Variants in SLC18A2 observed in about 807,000 individuals in gnomAD.
The protein encoded by SLC18A2 is synaptic vesicular amine transporter.
SLC18A2 carries 33 observed loss-of-function variants against 59.2 expected under a neutral mutation model. The observed-to-expected ratio is 0.56, with a 90% CI of 0.42 to 0.75. SLC18A2 has a LOEUF of 0.75. SLC18A2 is among the 30% of genes least tolerant of loss of function. SLC18A2 has a pLI of 0.00. For missense variants in SLC18A2, 569 were observed against 668.6 expected (o/e 0.85, Z 1.64); for synonymous variants, 228 against 253.5 (o/e 0.90, Z 0.95).
chr10:117,258,564 T>A (rs1050828393), intron 10 of SLC18A2, among the ~76,000 whole-genome samples: 1 of 58,084 alleles, frequency 1.7e-5, no homozygotes, highest in African/African-American at 4.6e-5. Context: ...TTAAAACTAA[T>A]TAAATTTTAT....
chr10:117,259,710 A>G (rs1844272735), intron 10 of SLC18A2, among the ~76,000 whole-genome samples: 1 of 152,224 alleles, frequency 6.6e-6, no homozygotes, highest in Non-Finnish European at 1.5e-5. Context: ...GGGGGAGGCC[A>G]GTGTTGCCCT....
intron 3 of SLC18A2, among the ~76,000 whole-genome samples, chr10:117,245,674 C>A (rs923559626): frequency 2.6e-5 from 4 of 151,972 alleles, no homozygotes; most frequent in African/African-American, 9.7e-5. Context: ...TTAAATCAAC[C>A]AAGCTCTGAG....
At position 117,267,662 on chromosome 10, in the gene SLC18A2, T is replaced by C. The variant is rs757016360; in HGVS notation, c.1123-11T>C. ...TTGTTATTTTAGCATAATGTTTATT[T>C]CCTCTTACAGATTCCATTTGCAAAA... On this transcript the variant is annotated splice_polypyrimidine_tract_variant and intron_variant, in intron 12 of 15. Coordinates refer to ENST00000644641, the MANE Select transcript of SLC18A2 (RefSeq NM_003054.6). The C allele has an allele frequency of 6.4e-7, 1 of 1,551,412 alleles. No homozygotes were observed.
intron 5 of SLC18A2, 131 bp from the exon 6 acceptor site, chr10:117,254,274 G>T: frequency 8.7e-7 from 1 of 1,153,866 alleles, no homozygotes; most frequent in Non-Finnish European, 1.2e-6. Flanking sequence ...GGTTCTGCTT[G>T]GTCTTACATT....
intron 15 of SLC18A2, among the ~76,000 whole-genome samples, chr10:117,275,376 G>A (rs1433120918): frequency 6.6e-6 from 1 of 152,072 alleles, no homozygotes; most frequent in Admixed American, 6.6e-5. Context: ...ACAAGAGCTG[G>A]GAGTAATAGC....
At position 117,252,134 on chromosome 10, in the gene SLC18A2, A is replaced by ATTTTTTTTTTTTT. The variant is rs57101171; in HGVS notation, c.465-1248_465-1236dup. Reference sequence around the variant, plus strand: ...CTACTATGCCTGACTCATTTTTTGTATTTTTTTTTTTTTTTTTTTTTTTTT... The same window carrying ATTTTTTTTTTTTT: ...CTACTATGCCTGACTCATTTTTTGTATTTTTTTTTTTTTTTTTTTTTTTTTTTTTTTTTTTTTT... On this transcript the variant is annotated intron_variant, in intron 3 of 15. Coordinates refer to ENST00000644641, the MANE Select transcript of SLC18A2 (RefSeq NM_003054.6). Among the ~76,000 whole-genome samples the ATTTTTTTTTTTTT allele has an allele frequency of 1.3e-3, 58 of 44,346 alleles. 2 individuals are homozygous for ATTTTTTTTTTTTT. The highest frequency in any genetic ancestry group is 4.0e-3 in the East Asian group (5 of 1,246). The allele number at this position is 44,346 out of a possible 152,430, so 29.1% of individuals were successfully genotyped here.
At chr10:117,266,195 A>C (rs1281391435) in intron 10 of SLC18A2, among the ~76,000 whole-genome samples, 1 of 152,066 alleles carries the variant, frequency 6.6e-6, no homozygotes, top group East Asian at 1.9e-4. Flanking sequence ...TGAAACAAGC[A>C]GGATAGAGTA....
At chr10:117,251,786 A>G (rs560915037) in intron 3 of SLC18A2, among the ~76,000 whole-genome samples, 1 of 152,254 alleles carries the variant, frequency 6.6e-6, no homozygotes, top group East Asian at 1.9e-4. Context: ...GGCCCAGGCG[A>G]AATTAGTCTG....
Position 117,278,133 on chromosome 10 carries a change from T to C in SLC18A2, c.*867T>C, listed in dbSNP as rs1844525668. 1 of 152,190 alleles carries C rather than the reference T, an allele frequency of 6.6e-6. No individual in the cohort carries two copies. The highest frequency in any genetic ancestry group is 2.4e-5 in the African/African-American group (1 of 41,452). 9.4% of individuals were successfully genotyped at this position (152,190 alleles called of 1,614,324 possible). On this transcript the variant is annotated 3_prime_UTR_variant, in exon 16 of 16. Coordinates refer to ENST00000644641, the MANE Select transcript of SLC18A2 (RefSeq NM_003054.6). The stretch of plus-strand genomic sequence containing the variant: ...AAGGTTAATCGCCATCTACTTCAAG[T>C]TTTAGAAAAGGAAACAAGAAGCTGA...
chr10:117,254,497 G>T lies in SLC18A2; in HGVS notation c.700G>T (p.Val234Leu). The T allele has an allele frequency of 1.2e-6, 2 of 1,600,844 alleles. No homozygotes were observed. Among genetic ancestry groups the T allele is most frequent in the Non-Finnish European group, 8.5e-7 (1 of 1,172,788 alleles). ...ALGGLAMGVL[V>L]GPPFGSVLYE... ...GGGAGGCCTGGCCATGGGGGTCTTA[G>T]GTGGGTAAGGCCCCCGTGTAGGCAA... The change falls in exon 6 of 16, where the codon GTG (valine) becomes TTG (leucine). Residue 234 changes from valine to leucine, a missense_variant and splice_region_variant. Val to Leu is a conservative substitution (Grantham distance 32). Transcript: ENST00000644641.
Position 117,277,187 on chromosome 10 carries a change from CTA to C in SLC18A2, c.1468_1469del (p.Ile490Ter), listed in dbSNP as rs774021992. On this transcript the variant is annotated frameshift_variant, in exon 16 of 16. Transcript: ENST00000644641. LOFTEE classifies it high-confidence loss of function. ...GCTATTCTCATGGATCACAACTGCC[CTA>C]TTAAAACAAAAATGTACACTCAGAA... The C allele has an allele frequency of 6.2e-7, 1 of 1,607,966 alleles. No homozygotes were observed. The highest frequency in any genetic ancestry group is 1.1e-5 in the South Asian group (1 of 90,848).
At chr10:117,265,061 G>T (rs903804218) in intron 10 of SLC18A2, among the ~76,000 whole-genome samples, 1 of 152,216 alleles carries the variant, frequency 6.6e-6, no homozygotes, top group African/African-American at 2.4e-5. Flanking sequence ...GTGGCTGTCA[G>T]TAAATGTTTG....
intron 3 of SLC18A2, among the ~76,000 whole-genome samples, chr10:117,244,956 C>T (rs1844096049): frequency 6.6e-6 from 1 of 152,244 alleles, no homozygotes. Context: ...CCCAAACTAG[C>T]TTCAGATGAA....
At chr10:117,254,294 C>A in intron 5 of SLC18A2, 111 bp from the exon 6 acceptor site, 1 of 1,185,556 alleles carries the variant, frequency 8.4e-7, no homozygotes, top group Non-Finnish European at 1.2e-6. Flanking sequence ...TTTAGTGAAT[C>A]TGACAGGTTT....
At position 117,254,120 on chromosome 10, in the gene SLC18A2, C is replaced by G; in HGVS notation, c.596C>G (p.Ser199Cys). ...CTGCAGGGCATCGGCTCGTCCTGCT[C>G]CTCTGTGGCTGGTAGGTGTGGAATG... is the stretch of plus-strand genomic sequence containing the variant. ...RSLQGIGSSC[S>C]SVAGMGMLAS... Residue 199 changes from serine (S) to cysteine (C), a missense_variant, in exon 5 of 16, where the codon TCC becomes TGC. Ser to Cys is a moderately radical substitution (Grantham distance 112). Coordinates refer to ENST00000644641, the MANE Select transcript of SLC18A2 (RefSeq NM_003054.6). 1 of 1,613,300 alleles carries G rather than the reference C, an allele frequency of 6.2e-7. No homozygotes were observed. The highest frequency in any genetic ancestry group is 1.1e-5 in the South Asian group (1 of 91,078).
chr10:117,276,188 G>A (rs1437134641), intron 15 of SLC18A2, among the ~76,000 whole-genome samples: 1 of 152,010 alleles, frequency 6.6e-6, no homozygotes, highest in Non-Finnish European at 1.5e-5. Flanking sequence ...ACAGCTACTC[G>A]GGAGTCTGAG....
intron 6 of SLC18A2, 41 bp downstream of exon 6, chr10:117,254,538 C>G (rs1844204171): frequency 6.9e-7 from 1 of 1,457,578 alleles, no homozygotes; most frequent in Admixed American, 2.0e-5. Context: ...CAAGAGGGGC[C>G]TGCCTGGTGC....
chr10:117,270,792 C>T (rs1844416247), intron 15 of SLC18A2, among the ~76,000 whole-genome samples: 1 of 152,180 alleles, frequency 6.6e-6, no homozygotes, highest in African/African-American at 2.4e-5. Context: ...AATCTTTCTG[C>T]CTCCTGTACT....
chr10:117,251,972 C>G (rs2532806), intron 3 of SLC18A2, among the ~76,000 whole-genome samples: 2 of 151,810 alleles, frequency 1.3e-5, no homozygotes, highest in South Asian at 4.2e-4. Context: ...TATTTATTTA[C>G]TTTTGAGACA....
Sources: allele counts gnomAD v4.1 joint callset (sites outside exome capture counted in the v4.1 genomes callset), GRCh38; gene constraint gnomAD v4.1.1; transcripts MANE v1.5; gene names NCBI Gene and HGNC (gene_info 2026-07-23, HGNC 2026-07-21).